The following ZZZ3 variants were observed in gnomAD, a reference collection of about 807,000 sequenced individuals.
ZZZ3 encodes zinc finger ZZ-type containing 3.
In ZZZ3, 22 loss-of-function variants were observed where a neutral mutation model predicts 95.2. The observed-to-expected ratio is 0.23, with a 90% CI of 0.17 to 0.33. The LOEUF (loss-of-function observed/expected upper bound fraction) is 0.33, where lower values mean the gene tolerates loss of function less well. ZZZ3 is among the 10% of genes least tolerant of loss of function. The pLI, the probability that ZZZ3 is intolerant of heterozygous loss-of-function variation, is 1.00. For synonymous variants in ZZZ3, 335 were observed against 358.9 expected, an observed-to-expected ratio of 0.93 and a Z score of 0.75; for missense variants, 885 against 1,066.5, an observed-to-expected ratio of 0.83 and a Z score of 2.37.
intron 4 of ZZZ3, among the ~76,000 whole-genome samples, chr1:77,636,853 T>C (rs1668352029): frequency 6.6e-6 from 1 of 152,216 alleles, no homozygotes. Context: ...TTAAGGTTCT[T>C]TCCATTTCTT....
intron 1 of ZZZ3, among the ~76,000 whole-genome samples, chr1:77,678,169 T>C (rs1672436371): frequency 6.6e-6 from 1 of 152,230 alleles, no homozygotes; most frequent in African/African-American, 2.4e-5. Context: ...AATTATCTGC[T>C]TTACTATCTT....
chr1:77,660,649 GT>G (rs1670699695), intron 1 of ZZZ3, among the ~76,000 whole-genome samples: 1 of 152,096 alleles, frequency 6.6e-6, no homozygotes, highest in Non-Finnish European at 1.5e-5. Context: ...TTTAACTATT[GT>G]GAACAGTGTG....
chr1:77,668,599 G>A (rs1414350626), intron 1 of ZZZ3, among the ~76,000 whole-genome samples: 1 of 148,602 alleles, frequency 6.7e-6, no homozygotes, highest in Non-Finnish European at 1.5e-5. Context: ...GAGCTCATAT[G>A]ATCGCACCAC....
rs535094944 is a variant in ZZZ3, at chr1:77,640,600, C to T, written c.-206+784G>A. ...GGGCAACAAGAGCAAAACTCAGTCTCAAAAAAAAAAAAAAAAAGAGAGAAT... is the reference window on the plus strand; with the variant it reads ...GGGCAACAAGAGCAAAACTCAGTCTTAAAAAAAAAAAAAAAAAGAGAGAAT... On this transcript the variant is annotated intron_variant, in intron 3 of 14. Transcript: ENST00000370801. Among the ~76,000 whole-genome samples, 8 of 76,640 alleles carry T rather than the reference C, an allele frequency of 1.0e-4. No homozygotes were observed. In the South Asian group the frequency reaches 3.8e-3, roughly 37 times the overall value. The allele number at this position is 76,640 out of a possible 152,430, so 50.3% of individuals were successfully genotyped here.
At chr1:77,605,853 T>C (rs930883110) in intron 5 of ZZZ3, among the ~76,000 whole-genome samples, 1 of 152,146 alleles carries the variant, frequency 6.6e-6, no homozygotes, top group Non-Finnish European at 1.5e-5. Context: ...TAGTACATCA[T>C]GGGCCTTGGG....
At position 77,562,678 on chromosome 1, in the gene ZZZ3, G is replaced by C. The variant is rs531655413; in HGVS notation, c.*2962C>G. ...TAGAAGAAAATCCTACCCAAGGCAG[G>C]AAACACAAGCCTTAGTCCCAGCTTT... On this transcript the variant is annotated 3_prime_UTR_variant, in exon 15 of 15. Transcript: ENST00000370801. 1 of 152,150 alleles carries C rather than the reference G, an allele frequency of 6.6e-6. No homozygotes were observed. Among genetic ancestry groups the C allele is most frequent in the African/African-American group, 2.4e-5 (1 of 41,438 alleles). The allele number at this position is 152,150 out of a possible 1,614,324, so 9.4% of individuals were successfully genotyped here. A position where few individuals can be genotyped will look rare whatever the true frequency, so the allele number is the denominator to read the frequency against.
chr1:77,622,426 A>G (rs1016368940), intron 5 of ZZZ3, among the ~76,000 whole-genome samples: 1 of 151,824 alleles, frequency 6.6e-6, no homozygotes, highest in African/African-American at 2.4e-5. Flanking sequence ...GGTAAAAATT[A>G]AAGTACAAGG....
chr1:77,657,913 T>C (rs1449822005), intron 1 of ZZZ3, among the ~76,000 whole-genome samples: 1 of 147,010 alleles, frequency 6.8e-6, no homozygotes, highest in Non-Finnish European at 1.5e-5. Flanking sequence ...GTGCGGTGGC[T>C]CATGCCTGTA....
At chr1:77,631,369 T>A (rs1245540020) in intron 5 of ZZZ3, among the ~76,000 whole-genome samples, 1 of 152,142 alleles carries the variant, frequency 6.6e-6, no homozygotes, top group Non-Finnish European at 1.5e-5. Context: ...AGATGATGCA[T>A]AAAGCACATT....
intron 5 of ZZZ3, among the ~76,000 whole-genome samples, chr1:77,614,179 C>A (rs184187809): frequency 2.0e-5 from 3 of 152,156 alleles, no homozygotes; most frequent in Non-Finnish European, 4.4e-5. Flanking sequence ...CCTTAAATTA[C>A]TTTAGCCACA....
intron 5 of ZZZ3, among the ~76,000 whole-genome samples, chr1:77,592,512 G>A (rs539670331): frequency 4.6e-5 from 7 of 152,056 alleles, no homozygotes; most frequent in Admixed American, 6.5e-5. Context: ...ATGTTGGTCA[G>A]GCTGGTTTCG....
chr1:77,673,739 TA>T (rs1671999480), intron 1 of ZZZ3, among the ~76,000 whole-genome samples: 1 of 152,172 alleles, frequency 6.6e-6, no homozygotes, highest in Non-Finnish European at 1.5e-5. Context: ...GTACTGTTCA[TA>T]AATATAAAAG....
chr1:77,680,819 A>G (rs1672687540), intron 1 of ZZZ3, among the ~76,000 whole-genome samples: 1 of 152,194 alleles, frequency 6.6e-6, no homozygotes, highest in South Asian at 2.1e-4. Context: ...TAAATACATA[A>G]CACACATTAA....
chr1:77,652,099 C>T (rs776820640), intron 1 of ZZZ3, among the ~76,000 whole-genome samples: 25 of 151,056 alleles, frequency 1.7e-4, no homozygotes, highest in Non-Finnish European at 3.5e-4. Context: ...ATTCAAAAAG[C>T]ACAAGCAACC....
intron 1 of ZZZ3, among the ~76,000 whole-genome samples, chr1:77,656,700 A>T (rs924525053): frequency 1.3e-5 from 2 of 152,210 alleles, no homozygotes; most frequent in Non-Finnish European, 2.9e-5. Context: ...CAGCATATTA[A>T]CCAACCTCTA....
chr1:77,579,941 C>T (rs995683866), intron 9 of ZZZ3: 1 of 161,660 alleles, frequency 6.2e-6, no homozygotes, highest in African/African-American at 2.4e-5. Flanking sequence ...TAGTGATTTC[C>T]ACTGAAATCA....
At chr1:77,620,852 C>T (rs1227489630) in intron 5 of ZZZ3, among the ~76,000 whole-genome samples, 1 of 151,860 alleles carries the variant, frequency 6.6e-6, no homozygotes, top group Non-Finnish European at 1.5e-5. Flanking sequence ...GTGGGAACAC[C>T]CAGAGAGAGG....
At chr1:77,590,682 G>C (rs747782503) in intron 5 of ZZZ3, among the ~76,000 whole-genome samples, 1 of 152,212 alleles carries the variant, frequency 6.6e-6, no homozygotes, top group Non-Finnish European at 1.5e-5. Flanking sequence ...CATTTTTGCA[G>C]ATAAATGGAA....
chr1:77,635,647 T>C (rs1668225628), intron 4 of ZZZ3, among the ~76,000 whole-genome samples: 1 of 152,248 alleles, frequency 6.6e-6, no homozygotes, highest in Non-Finnish European at 1.5e-5. Context: ...GGCTCATGCC[T>C]GTAATCCCGG....
Sources: gnomAD v4.1 joint callset for allele counts (sites outside exome capture counted in the v4.1 genomes callset) on GRCh38, gnomAD v4.1.1 for gene constraint, MANE v1.5 for transcripts, NCBI Gene and HGNC (gene_info 2026-07-23, HGNC 2026-07-21) for gene names.